GPC5: variants seen among roughly 807,000 people sequenced by gnomAD.
The protein encoded by GPC5 is glypican-5.
In GPC5, 47 loss-of-function variants were observed where a neutral mutation model predicts 53.9. That is an observed-to-expected ratio of 0.87 (90% CI 0.69 to 1.11). The LOEUF is 1.11. Among genes scored for constraint, GPC5 ranks in the 50% most tolerant of loss-of-function variants. GPC5 has a pLI of 0.00. For synonymous variants in GPC5, 286 were observed against 263.3 expected (o/e 1.09, Z -0.84); for missense variants, 748 against 713.1 (o/e 1.05, Z -0.56).
intron 1 of GPC5, among the ~76,000 whole-genome samples, chr13:91,400,851 C>T (rs1292216556): frequency 6.6e-6 from 1 of 152,088 alleles, no homozygotes; most frequent in South Asian, 2.1e-4. Context: ...AGTGTCTTAC[C>T]AGGATGTCAG....
At chr13:92,803,198 A>C (rs943781840) in intron 7 of GPC5, among the ~76,000 whole-genome samples, 1 of 151,948 alleles carries the variant, frequency 6.6e-6, no homozygotes, top group African/African-American at 2.4e-5. Flanking sequence ...AGCCAACCCA[A>C]AAGTAGCACT....
At chr13:92,682,939 T>C (rs73623497) in intron 7 of GPC5, among the ~76,000 whole-genome samples, 157 of 152,262 alleles carry the variant, frequency 1.0e-3, no homozygotes, top group Middle Eastern at 3.4e-3. Flanking sequence ...CCTCTCCTTG[T>C]TCCCAGGATA....
At chr13:91,790,850 T>C (rs888021941) in intron 5 of GPC5, among the ~76,000 whole-genome samples, 91 of 152,350 alleles carry the variant, frequency 6.0e-4, no homozygotes, top group African/African-American at 2.0e-3. Context: ...TTTCCTGTGA[T>C]GAATGGCTGT....
intron 2 of GPC5, among the ~76,000 whole-genome samples, chr13:91,612,322 A>G (rs1278842999): frequency 6.6e-6 from 1 of 152,208 alleles, no homozygotes; most frequent in Non-Finnish European, 1.5e-5. Flanking sequence ...AAAACCTGCC[A>G]TCATCAGTGG....
chr13:91,754,007 A>G (rs2037235259), intron 4 of GPC5, among the ~76,000 whole-genome samples: 2 of 152,170 alleles, frequency 1.3e-5, no homozygotes, highest in Admixed American at 6.6e-5. Flanking sequence ...CTTTTTGACC[A>G]ATAATTTATA....
intron 5 of GPC5, among the ~76,000 whole-genome samples, chr13:91,889,029 A>T (rs1041198203): frequency 1.3e-5 from 2 of 152,156 alleles, no homozygotes; most frequent in Non-Finnish European, 2.9e-5. Flanking sequence ...GTAATTGGCA[A>T]ATTCTACTGC....
chr13:91,987,948 T>C lies in GPC5; in HGVS notation c.1401+79891T>C, dbSNP rs1052935920. On this transcript the variant is annotated intron_variant, in intron 6 of 7. Coordinates refer to ENST00000377067, the MANE Select transcript of GPC5 (RefSeq NM_004466.6). ...ATAAACATACTATACATTATAGTAA[T>C]TATTATAGTAAATATATAATATAGT... is the stretch of plus-strand genomic sequence containing the variant. Among the ~76,000 whole-genome samples the C allele has an allele frequency of 1.2e-4, 18 of 145,980 alleles. 1 individual carries two copies. The highest frequency in any genetic ancestry group is 2.1e-4 in the Non-Finnish European group (14 of 66,672).
chr13:92,236,142 A>G (rs2042568038), intron 7 of GPC5, among the ~76,000 whole-genome samples: 1 of 152,048 alleles, frequency 6.6e-6, no homozygotes, highest in African/African-American at 2.4e-5. Flanking sequence ...TTACTTGAAA[A>G]TGGGTTTCAT....
intron 5 of GPC5, among the ~76,000 whole-genome samples, chr13:91,845,178 A>G (rs1023999735): frequency 2.0e-5 from 3 of 146,890 alleles, no homozygotes; most frequent in African/African-American, 7.4e-5. Context: ...ATTTTTGAAC[A>G]CTGAGATTCT....
chr13:92,819,106 C>A (rs1877588312), intron 7 of GPC5, among the ~76,000 whole-genome samples: 2 of 151,740 alleles, frequency 1.3e-5, no homozygotes, highest in Non-Finnish European at 2.9e-5. Context: ...GCATTCTCAC[C>A]CTATGAAAAG....
intron 2 of GPC5, among the ~76,000 whole-genome samples, chr13:91,462,111 TTAAC>T (rs1234310775): frequency 6.6e-6 from 1 of 152,116 alleles, no homozygotes; most frequent in African/African-American, 2.4e-5. Flanking sequence ...AATCTAAGGT[TTAAC>T]TAACAGACTC....
chr13:92,751,329 A>C (rs1437060037), intron 7 of GPC5, among the ~76,000 whole-genome samples: 1 of 145,738 alleles, frequency 6.9e-6, no homozygotes, highest in African/African-American at 2.6e-5. Context: ...AAAAAAAAAA[A>C]AAAAAACCTT....
At chr13:92,422,068 T>C (rs1336513982) in intron 7 of GPC5, among the ~76,000 whole-genome samples, 1 of 152,106 alleles carries the variant, frequency 6.6e-6, no homozygotes, top group East Asian at 1.9e-4. Context: ...TCTCCAAGGC[T>C]GTGGAGAATA....
At chr13:92,801,142 TATA>T (rs1372074802) in intron 7 of GPC5, among the ~76,000 whole-genome samples, 14 of 151,736 alleles carry the variant, frequency 9.2e-5, no homozygotes, top group Admixed American at 4.0e-4. Flanking sequence ...TGTGTGTGTG[TATA>T]ATATTGTTAT....
intron 7 of GPC5, among the ~76,000 whole-genome samples, chr13:92,202,118 G>T (rs2042299458): frequency 6.6e-6 from 1 of 152,130 alleles, no homozygotes; most frequent in Admixed American, 6.5e-5. Flanking sequence ...GATTCTAGAT[G>T]AACTAAAGAA....
At chr13:92,342,809 C>G (rs2043378265) in intron 7 of GPC5, among the ~76,000 whole-genome samples, 1 of 151,988 alleles carries the variant, frequency 6.6e-6, no homozygotes, top group Non-Finnish European at 1.5e-5. Context: ...TCTAACAAAT[C>G]CAAAAACATA....
intron 7 of GPC5, among the ~76,000 whole-genome samples, chr13:92,384,401 G>T (rs1214936313): frequency 6.6e-6 from 1 of 151,902 alleles, no homozygotes; most frequent in Middle Eastern, 3.2e-3. Flanking sequence ...TGCTATGTTG[G>T]ACAAAAATTC....
chr13:91,501,014 C>G (rs544242627), intron 2 of GPC5, among the ~76,000 whole-genome samples: 1 of 152,186 alleles, frequency 6.6e-6, no homozygotes, highest in East Asian at 1.9e-4. Context: ...TGGGAGGCCT[C>G]CCCAGCCACA....
intron 7 of GPC5, among the ~76,000 whole-genome samples, chr13:92,578,607 C>A (rs537412636): frequency 2.6e-5 from 4 of 152,242 alleles, no homozygotes; most frequent in Admixed American, 2.0e-4. Flanking sequence ...CTCCCAACTC[C>A]AGAAGAGAGA....
Sources: allele counts gnomAD v4.1 joint callset (sites outside exome capture counted in the v4.1 genomes callset), GRCh38; gene constraint gnomAD v4.1.1; transcripts MANE v1.5; gene names NCBI Gene and HGNC (gene_info 2026-07-23, HGNC 2026-07-21).